Variants in NELL1 observed in about 807,000 individuals in gnomAD.
NELL1 encodes neural EGFL like 1, also known as protein kinase C-binding protein NELL1.
A neutral mutation model predicts 107.4 loss-of-function variants in NELL1; 76 were observed. The ratio of observed to expected loss-of-function variants is 0.71; its 90% CI spans 0.59 to 0.86. NELL1 has a LOEUF of 0.86. Ranked by LOEUF, NELL1 falls within the 40% of genes least tolerant of loss-of-function variation. The pLI is 0.00. For missense variants in NELL1, 1,024 were observed against 1,005.5 expected, an observed-to-expected ratio of 1.02 and a Z score of -0.25; for synonymous variants, 353 against 341.2, an observed-to-expected ratio of 1.03 and a Z score of -0.38.
Position 20,756,613 on chromosome 11 carries a change from G to A in NELL1, c.185-27067G>A, listed in dbSNP as rs188809540. Among the ~76,000 whole-genome samples the A allele has an allele frequency of 3.5e-3, 525 of 148,312 alleles. 3 individuals carry two copies. Among genetic ancestry groups the A allele is most frequent in the African/African-American group, 0.012 (475 of 39,928 alleles). On this transcript the variant is annotated intron_variant, in intron 2 of 19. Coordinates refer to ENST00000357134, the MANE Select transcript of NELL1 (RefSeq NM_006157.5). ...CCTGACCTCGTGATCCGCCCACCTT[G>A]GCCTCCGAAAGTGCTGGGATTACAG... is the stretch of plus-strand genomic sequence containing the variant.
intron 15 of NELL1, among the ~76,000 whole-genome samples, chr11:21,485,690 C>T (rs1218467485): frequency 3.3e-5 from 5 of 151,844 alleles, no homozygotes; most frequent in Non-Finnish European, 7.4e-5. Context: ...AGCACAGTCA[C>T]CACTGCACCC....
chr11:20,787,218 A>T (rs532367017), intron 3 of NELL1, among the ~76,000 whole-genome samples: 1 of 152,030 alleles, frequency 6.6e-6, no homozygotes, highest in East Asian at 1.9e-4. Context: ...AAGGCAAGGT[A>T]TGAAAGACTG....
In NELL1 at chr11:21,537,689, G is replaced by A. The variant is rs79014372; in HGVS notation, c.1786+3175G>A. On this transcript the variant is annotated intron_variant, in intron 16 of 19. Transcript: ENST00000357134. The stretch of plus-strand genomic sequence containing the variant: ...TTGTTTGCCTTTTACTACTGTACTC[G>A]CAGCCCCTAAGATAATATAGTCAAA... 3.2e-3 allele frequency among the ~76,000 whole-genome samples: 482 copies of A among 152,084 alleles called. 1 individual carries two copies. The highest frequency in any genetic ancestry group is 0.01 in the African/African-American group (433 of 41,518).
intron 3 of NELL1, among the ~76,000 whole-genome samples, chr11:20,803,092 T>G (rs1287616760): frequency 6.6e-6 from 1 of 152,168 alleles, no homozygotes; most frequent in Non-Finnish European, 1.5e-5. Context: ...ATAATGAGTT[T>G]GGAAAAATTC....
intron 12 of NELL1, among the ~76,000 whole-genome samples, chr11:21,015,399 T>G (rs1852541614): frequency 6.6e-6 from 1 of 152,130 alleles, no homozygotes; most frequent in East Asian, 1.9e-4. Flanking sequence ...AGTACCCTTT[T>G]CCCTGTGCTC....
chr11:21,343,976 GA>G (rs929349265), intron 14 of NELL1, among the ~76,000 whole-genome samples: 5 of 152,122 alleles, frequency 3.3e-5, no homozygotes, highest in Non-Finnish European at 5.9e-5. Flanking sequence ...GCTTTTATTT[GA>G]AGTATAATCA....
intron 2 of NELL1, among the ~76,000 whole-genome samples, chr11:20,760,452 G>A (rs1304596932): frequency 6.6e-6 from 1 of 152,190 alleles, no homozygotes; most frequent in Non-Finnish European, 1.5e-5. Flanking sequence ...ACTGGTACTG[G>A]CACAAATGCA....
At chr11:21,163,058 A>G (rs1247481465) in intron 13 of NELL1, among the ~76,000 whole-genome samples, 1 of 152,222 alleles carries the variant, frequency 6.6e-6, no homozygotes, top group East Asian at 1.9e-4. Flanking sequence ...TACTAAGTTA[A>G]TGACACCGAT....
chr11:21,245,339 C>T (rs1858463218), intron 14 of NELL1, among the ~76,000 whole-genome samples: 1 of 152,146 alleles, frequency 6.6e-6, no homozygotes, highest in Non-Finnish European at 1.5e-5. Context: ...GGAAGTTACA[C>T]AAGCTTCTGT....
intron 2 of NELL1, among the ~76,000 whole-genome samples, chr11:20,706,870 C>T (rs1854975367): frequency 6.6e-6 from 1 of 152,110 alleles, no homozygotes; most frequent in African/African-American, 2.4e-5. Context: ...AGTTGCTCTT[C>T]TCAAGGAGTA....
At chr11:20,828,670 G>A (rs1021467714) in intron 3 of NELL1, among the ~76,000 whole-genome samples, 4 of 152,128 alleles carry the variant, frequency 2.6e-5, no homozygotes, top group African/African-American at 4.8e-5. Context: ...TGTCCACCCA[G>A]TCTCACGTAG....
chr11:21,229,146 A>T (rs1857975539), intron 13 of NELL1, among the ~76,000 whole-genome samples, 186 bp from the exon 14 acceptor site: 1 of 152,150 alleles, frequency 6.6e-6, no homozygotes, highest in Admixed American at 6.5e-5. Context: ...TTTACCTGCA[A>T]AGTAGGGATA....
At chr11:21,230,126 T>C (rs7109394) in intron 14 of NELL1, among the ~76,000 whole-genome samples, 1 of 151,968 alleles carries the variant, frequency 6.6e-6, no homozygotes, top group Non-Finnish European at 1.5e-5. Flanking sequence ...ATCACAGAAA[T>C]GTTCTTTGAC....
intron 10 of NELL1, among the ~76,000 whole-genome samples, chr11:20,946,182 T>C (rs1307381616): frequency 6.6e-6 from 1 of 152,190 alleles, no homozygotes; most frequent in Non-Finnish European, 1.5e-5. Flanking sequence ...GACGGTCTCA[T>C]GAAGACGGAA....
At chr11:21,096,191 C>T (rs1854638473) in intron 12 of NELL1, among the ~76,000 whole-genome samples, 2 of 152,258 alleles carry the variant, frequency 1.3e-5, no homozygotes, top group Admixed American at 6.5e-5. Flanking sequence ...CGCCAATGTC[C>T]GGTTCTATTT....
intron 14 of NELL1, among the ~76,000 whole-genome samples, chr11:21,250,544 A>G (rs1858611408): frequency 6.6e-6 from 1 of 152,196 alleles, no homozygotes; most frequent in African/African-American, 2.4e-5. Flanking sequence ...TAGCCTAATC[A>G]CCTAGATAGA....
intron 12 of NELL1, among the ~76,000 whole-genome samples, chr11:21,073,081 T>A (rs555915270): frequency 6.6e-6 from 1 of 152,264 alleles, no homozygotes; most frequent in East Asian, 1.9e-4. Context: ...ATTGTAGGTG[T>A]CTCGTCAATT....
intron 14 of NELL1, among the ~76,000 whole-genome samples, chr11:21,317,699 A>T (rs1039847893): frequency 2.0e-5 from 3 of 152,078 alleles, no homozygotes; most frequent in African/African-American, 7.2e-5. Context: ...GCAAAACCAG[A>T]TGTCAAAAAG....
intron 15 of NELL1, among the ~76,000 whole-genome samples, chr11:21,512,955 A>C (rs1328654845): frequency 6.6e-6 from 1 of 152,184 alleles, no homozygotes; most frequent in East Asian, 1.9e-4. Context: ...TAAAAATGAA[A>C]AATACATTTG....
Sources: allele counts gnomAD v4.1 joint callset (sites outside exome capture counted in the v4.1 genomes callset), GRCh38; gene constraint gnomAD v4.1.1; transcripts MANE v1.5; gene names NCBI Gene and HGNC (gene_info 2026-07-23, HGNC 2026-07-21).